Variants in PITPNC1 observed in about 807,000 individuals in gnomAD.
The protein encoded by PITPNC1 is cytoplasmic phosphatidylinositol transfer protein 1.
PITPNC1 carries 18 observed loss-of-function variants against 44.7 expected under a neutral mutation model. The observed-to-expected ratio is 0.40, with a 90% CI of 0.28 to 0.60. The LOEUF is 0.60. Ranked by LOEUF, PITPNC1 falls within the 20% of genes least tolerant of loss-of-function variation. PITPNC1 has a pLI of 0.39. For synonymous variants in PITPNC1, 141 were observed against 149.6 expected, an observed-to-expected ratio of 0.94 and a Z score of 0.42; for missense variants, 290 against 418.4, an observed-to-expected ratio of 0.69 and a Z score of 2.68.
rs1332760766 is a variant in PITPNC1, at chr17:67,696,508, A to G, written c.*3620A>G. ...AGAGAGGAATTGTCCAAATAGTTTT[A>G]GTACCTTTCTGATCATCTGACTCAG... is the stretch of plus-strand genomic sequence containing the variant. On this transcript the variant is annotated 3_prime_UTR_variant, in exon 9 of 9. Transcript: ENST00000581322. 1 of 152,232 alleles carries G rather than the reference A, an allele frequency of 6.6e-6. No homozygotes were observed. Among genetic ancestry groups the G allele is most frequent in the Non-Finnish European group, 1.5e-5 (1 of 68,046 alleles). The allele number at this position is 152,232 out of a possible 1,614,324, so 9.4% of individuals were successfully genotyped here. A position where few individuals can be genotyped will look rare whatever the true frequency, so the allele number is the denominator to read the frequency against.
rs542175421 is a variant in PITPNC1 at position 67,478,549 on chromosome 17, C to T, written c.49-54253C>T. 2.9e-3 allele frequency among the ~76,000 whole-genome samples: 439 copies of T among 152,248 alleles called. 3 individuals carry two copies. Among genetic ancestry groups the T allele is most frequent in the Admixed American group, 2.7e-3 (41 of 15,298 alleles). On this transcript the variant is annotated intron_variant, in intron 1 of 8. Transcript: ENST00000581322. ...AGCTGGTTCCCCTTTTATTTCTCCTCTTTTCCAAGCTCCCCTCTGCCACCT... is the reference window on the plus strand; with the variant it reads ...AGCTGGTTCCCCTTTTATTTCTCCTTTTTTCCAAGCTCCCCTCTGCCACCT...
intron 1 of PITPNC1, among the ~76,000 whole-genome samples, chr17:67,512,608 A>G (rs780931854): frequency 2.0e-5 from 3 of 150,324 alleles, no homozygotes; most frequent in African/African-American, 4.9e-5. Context: ...TAGAGTATTT[A>G]TATTTTATTA....
intron 1 of PITPNC1, among the ~76,000 whole-genome samples, chr17:67,523,082 C>G (rs150970383): frequency 8.5e-5 from 13 of 152,198 alleles, no homozygotes; most frequent in Non-Finnish European, 1.8e-4. Context: ...TAAACTGAAA[C>G]GCTGTACCCT....
At chr17:67,416,173 A>AAAT (rs1439973633) in intron 1 of PITPNC1, among the ~76,000 whole-genome samples, 6 of 146,166 alleles carry the variant, frequency 4.1e-5, no homozygotes, top group African/African-American at 1.5e-4. Context: ...ACATAAATTT[A>AAAT]AATCTCCCTT....
At chr17:67,579,956 A>T (rs1224496439) in intron 5 of PITPNC1, among the ~76,000 whole-genome samples, 2 of 152,156 alleles carry the variant, frequency 1.3e-5, no homozygotes, top group Non-Finnish European at 2.9e-5. Flanking sequence ...AAAAAAGTTA[A>T]TACATGGCTA....
intron 1 of PITPNC1, among the ~76,000 whole-genome samples, chr17:67,447,734 A>G (rs754780669): frequency 6.6e-6 from 1 of 151,972 alleles, no homozygotes; most frequent in Non-Finnish European, 1.5e-5. Flanking sequence ...GTCTTACGCG[A>G]CAGTCCTTGG....
intron 1 of PITPNC1, among the ~76,000 whole-genome samples, chr17:67,442,135 CT>C (rs2039020167): frequency 1.4e-5 from 2 of 146,054 alleles, no homozygotes; most frequent in South Asian, 4.4e-4. Context: ...ACTGCCTCTC[CT>C]CATTTATTGC....
chr17:67,549,112 C>G (rs979081714), intron 2 of PITPNC1, among the ~76,000 whole-genome samples: 2 of 152,142 alleles, frequency 1.3e-5, no homozygotes, highest in African/African-American at 4.8e-5. Context: ...AAATACCTCT[C>G]GCGTCTGGCC....
chr17:67,584,852 C>T (rs979248504), intron 5 of PITPNC1, among the ~76,000 whole-genome samples: 4 of 151,442 alleles, frequency 2.6e-5, no homozygotes, highest in Admixed American at 1.3e-4. Context: ...CAGTGGCTCA[C>T]GCCTGTAATC....
At chr17:67,475,643 C>A (rs926030962) in intron 1 of PITPNC1, among the ~76,000 whole-genome samples, 1 of 152,124 alleles carries the variant, frequency 6.6e-6, no homozygotes, top group Admixed American at 6.5e-5. Context: ...GTTTATTGCA[C>A]AGAAAGTTGA....
At chr17:67,636,167 A>T (rs1405313949) in intron 6 of PITPNC1, among the ~76,000 whole-genome samples, 3 of 149,964 alleles carry the variant, frequency 2.0e-5, no homozygotes, top group Non-Finnish European at 4.4e-5. Context: ...CCATGGTGGT[A>T]GGTGCCTGTA....
chr17:67,505,560 T>C (rs1420732874), intron 1 of PITPNC1, among the ~76,000 whole-genome samples: 1 of 152,250 alleles, frequency 6.6e-6, no homozygotes, highest in Non-Finnish European at 1.5e-5. Context: ...GTTTACTGTT[T>C]ACATGACATA....
At position 67,692,815 on chromosome 17, in the gene PITPNC1, C is replaced by T. The variant is rs1392830333; in HGVS notation, c.926C>T (p.Pro309Leu). 2.5e-6 allele frequency: 4 copies of T among 1,613,694 alleles called. No homozygotes were observed. The highest frequency in any genetic ancestry group is 3.4e-6 in the Non-Finnish European group (4 of 1,179,778). Reference sequence around the variant, plus strand: ...CCAGAAACTCTCACACTTCCAGACCCTGAGAAAAAAGCCACCCTGAATTTA... The same window carrying T: ...CCAGAAACTCTCACACTTCCAGACCTTGAGAAAAAAGCCACCCTGAATTTA... ...SAPETLTLPDPEKKATLNLPG... is the reference protein window; with the variant it reads ...SAPETLTLPDLEKKATLNLPG... The change falls in exon 9 of 9, where the codon CCT becomes CTT. Residue 309 changes from proline (P) to leucine (L), a missense_variant. Coordinates refer to ENST00000581322, the MANE Select transcript of PITPNC1 (RefSeq NM_012417.4).
At chr17:67,666,544 G>C (rs1242095198) in intron 6 of PITPNC1, among the ~76,000 whole-genome samples, 3 of 152,178 alleles carry the variant, frequency 2.0e-5, no homozygotes, top group Non-Finnish European at 4.4e-5. Flanking sequence ...CTTCCTGCCA[G>C]GGCATATTAC....
intron 5 of PITPNC1, among the ~76,000 whole-genome samples, chr17:67,593,698 T>C (rs564480752): frequency 8.2e-4 from 125 of 152,312 alleles, no homozygotes; most frequent in Non-Finnish European, 1.5e-3. Context: ...GTTTTTTATA[T>C]GATTTTTTAT....
intron 5 of PITPNC1, among the ~76,000 whole-genome samples, chr17:67,583,353 C>T (rs955586508): frequency 1.3e-5 from 2 of 151,846 alleles, no homozygotes; most frequent in Non-Finnish European, 2.9e-5. Flanking sequence ...TTTGGGAGGC[C>T]GAGGCGGGAG....
chr17:67,589,874 A>G (rs2041367958), intron 5 of PITPNC1, among the ~76,000 whole-genome samples: 1 of 152,202 alleles, frequency 6.6e-6, no homozygotes, highest in African/African-American at 2.4e-5. Flanking sequence ...AGGCTGAAGC[A>G]GGAGAATCTC....
At chr17:67,492,681 G>A (rs1186711085) in intron 1 of PITPNC1, among the ~76,000 whole-genome samples, 1 of 152,042 alleles carries the variant, frequency 6.6e-6, no homozygotes, top group South Asian at 2.1e-4. Context: ...TTTTCACACC[G>A]CCCCAGGACA....
intron 4 of PITPNC1, among the ~76,000 whole-genome samples, chr17:67,564,789 T>C (rs999496587): frequency 6.6e-6 from 1 of 152,220 alleles, no homozygotes; most frequent in African/African-American, 2.4e-5. Flanking sequence ...CATTTTTAAA[T>C]TGGATTTAAA....
Sources: allele counts gnomAD v4.1 joint callset (sites outside exome capture counted in the v4.1 genomes callset), GRCh38; gene constraint gnomAD v4.1.1; transcripts MANE v1.5; gene names NCBI Gene and HGNC (gene_info 2026-07-23, HGNC 2026-07-21).